The following ATP11C variants were observed in gnomAD, a reference collection of about 807,000 sequenced individuals.
ATP11C encodes the protein ATPase phospholipid transporting 11C (ATP11C blood group).
In ATP11C, 36 loss-of-function variants were observed where a neutral mutation model predicts 97.4. The ratio of observed to expected loss-of-function variants is 0.37; its 90% CI spans 0.28 to 0.49. ATP11C has a LOEUF of 0.49. ATP11C is among the 20% of genes least tolerant of loss of function. The probability of loss-of-function intolerance (pLI) is 0.98; values close to 1 mark genes in which losing one functional copy is unlikely to be tolerated. For missense variants in ATP11C, 730 were observed against 824.6 expected (o/e 0.89, Z 1.40); for synonymous variants, 275 against 290.9 (o/e 0.95, Z 0.56).
rs1193371210 is a variant in ATP11C at position 139,769,277 on chromosome X, CATACATATATA to C, written c.2217-854_2217-844del. On this transcript the variant is annotated intron_variant, in intron 19 of 29. Coordinates refer to ENST00000682941, the MANE Select transcript of ATP11C (RefSeq NM_001353812.2). ...AAAAGACAAATGGCTTTGGGGCAAA[CATACATATATA>C]TATATATATATATATATATATATAT... 1.7e-4 allele frequency among the ~76,000 whole-genome samples: 6 copies of C among 34,537 alleles called. No homozygotes were observed. The East Asian group carries it at 6.6e-3, about 38-fold the overall frequency. 30.0% of individuals were successfully genotyped at this position (34,537 alleles called of 115,157 possible). A position where few individuals can be genotyped will look rare whatever the true frequency, so the allele number is the denominator to read the frequency against.
chrX:139,731,245 T>C lies in ATP11C; in HGVS notation c.*3+406A>G, dbSNP rs1234278216. 2.7e-5 allele frequency among the ~76,000 whole-genome samples: 3 copies of C among 112,071 alleles called. No individual in the cohort carries two copies. The Admixed American group carries it at 2.8e-4, about 11-fold the overall frequency. The stretch of plus-strand genomic sequence containing the variant: ...TCCCAAGAGAACATGCAATGCTAAA[T>C]TGGCTTGATATTATACAGATGCAAT... On this transcript the variant is annotated intron_variant, in intron 29 of 29. Coordinates refer to ENST00000682941, the MANE Select transcript of ATP11C (RefSeq NM_001353812.2).
chrX:139,869,684 C>G (rs969778620), intron 1 of ATP11C, among the ~76,000 whole-genome samples: 1 of 103,463 alleles, frequency 9.7e-6, no homozygotes, highest in South Asian at 4.3e-4. Context: ...ATCCCAGCTA[C>G]TGGGGAGGCT....
chrX:139,845,744 G>C (rs1172694384), intron 1 of ATP11C, among the ~76,000 whole-genome samples: 1 of 111,844 alleles, frequency 8.9e-6, no homozygotes, highest in Non-Finnish European at 1.9e-5. Flanking sequence ...CCAAACTACT[G>C]TTCTTGGCAA....
At chrX:139,869,510 C>T (rs1424416227) in intron 1 of ATP11C, among the ~76,000 whole-genome samples, 2 of 107,340 alleles carry the variant, frequency 1.9e-5, no homozygotes, top group Non-Finnish European at 3.8e-5. Flanking sequence ...TGGGGGCAGG[C>T]GCGGTGGCTC....
intron 11 of ATP11C, among the ~76,000 whole-genome samples, chrX:139,796,823 T>C (rs866759313): frequency 4.5e-5 from 5 of 111,960 alleles, no homozygotes; most frequent in Admixed American, 2.8e-4. Context: ...CACATACTCC[T>C]ATTACATTAA....
At chrX:139,832,033 C>T (rs1188132649) in intron 1 of ATP11C, 15 of 742,369 alleles carry the variant, frequency 2.0e-5, no homozygotes, top group Admixed American at 1.0e-4. Flanking sequence ...TAACCATTTA[C>T]GATTACCCTC....
intron 18 of ATP11C, among the ~76,000 whole-genome samples, chrX:139,775,824 G>T (rs1028425830): frequency 2.1e-4 from 24 of 112,720 alleles, no homozygotes; most frequent in Non-Finnish European, 2.4e-4. Context: ...TAGAGGGCAG[G>T]AACCACTGTG....
chrX:139,875,322 G>A (rs866289392), intron 1 of ATP11C, among the ~76,000 whole-genome samples: 5 of 106,976 alleles, frequency 4.7e-5, no homozygotes, highest in Non-Finnish European at 9.6e-5. Flanking sequence ...TTGGCCAGGC[G>A]TAGTGCCTCA....
chrX:139,782,783 A>C lies in ATP11C; in HGVS notation c.1771-55T>G, dbSNP rs1228428770. 6 of 901,253 alleles carry C rather than the reference A, an allele frequency of 6.7e-6. No homozygotes were observed. In the Admixed American group the frequency reaches 9.6e-5, roughly 14 times the overall value. The allele number at this position is 901,253 out of a possible 1,213,427, so 74.3% of individuals were successfully genotyped here. On this transcript the variant is annotated intron_variant, in intron 17 of 29. Coordinates refer to ENST00000682941, the MANE Select transcript of ATP11C (RefSeq NM_001353812.2). ...TTCTAATAATAGTTGGAAAAAAAAAAAAACACACTCTGTAAATACTCTTGC... is the reference window on the plus strand; with the variant it reads ...TTCTAATAATAGTTGGAAAAAAAAACAAACACACTCTGTAAATACTCTTGC...
At chrX:139,734,465 G>A (rs746121202) in intron 28 of ATP11C, among the ~76,000 whole-genome samples, 1 of 111,371 alleles carries the variant, frequency 9.0e-6, no homozygotes, top group African/African-American at 3.3e-5. Context: ...TGATTGTGGT[G>A]ACTTACATGA....
At chrX:139,869,618 C>CT (rs1183320410) in intron 1 of ATP11C, among the ~76,000 whole-genome samples, 3 of 52,186 alleles carry the variant, frequency 5.7e-5, no homozygotes. Context: ...CCCCTCTCTA[C>CT]TAAAAAAAAA....
chrX:139,905,341 TA>T (rs755867593), intron 1 of ATP11C, among the ~76,000 whole-genome samples: 1 of 112,386 alleles, frequency 8.9e-6, no homozygotes, highest in African/African-American at 3.2e-5. Context: ...TAGGTAGCTT[TA>T]ATGTCTCCTT....
intron 2 of ATP11C, among the ~76,000 whole-genome samples, chrX:139,820,096 GA>G (rs1363344840): frequency 9.0e-6 from 1 of 110,571 alleles, no homozygotes; most frequent in East Asian, 2.8e-4. Flanking sequence ...TGAGACAGGA[GA>G]ATCGCTTAAA....
At chrX:139,813,388 T>C (rs1421018198) in intron 5 of ATP11C, among the ~76,000 whole-genome samples, 2 of 111,983 alleles carry the variant, frequency 1.8e-5, no homozygotes, top group African/African-American at 6.5e-5. Flanking sequence ...AAACGAAACA[T>C]ACTCTTACCA....
intron 26 of ATP11C, among the ~76,000 whole-genome samples, chrX:139,742,705 A>C (rs2081582318): frequency 9.1e-6 from 1 of 110,053 alleles, no homozygotes; most frequent in African/African-American, 3.3e-5. Context: ...GCTTCACAGC[A>C]TTATCACATG....
At chrX:139,822,947 T>G (rs1386341937) in intron 2 of ATP11C, among the ~76,000 whole-genome samples, 1 of 111,002 alleles carries the variant, frequency 9.0e-6, no homozygotes, top group Non-Finnish European at 1.9e-5. Flanking sequence ...CTGGGCATGA[T>G]GGCTCACACC....
chrX:139,755,780 A>AGATTGAAACTGGACCCGTTTCC (rs1203592659), intron 23 of ATP11C, among the ~76,000 whole-genome samples: 2 of 112,210 alleles, frequency 1.8e-5, no homozygotes, highest in Admixed American at 1.9e-4. Flanking sequence ...CACATGCAGA[A>AGATTGAAACTGGACCCGTTTCC]GATTGAAACT....
chrX:139,835,529 T>A (rs1453882208), intron 1 of ATP11C, among the ~76,000 whole-genome samples: 1 of 109,732 alleles, frequency 9.1e-6, no homozygotes, highest in Non-Finnish European at 1.9e-5. Context: ...CTCAGCCTCC[T>A]GAATAGCTGG....
At chrX:139,877,937 C>T (rs1426202511) in intron 1 of ATP11C, among the ~76,000 whole-genome samples, 1 of 111,236 alleles carries the variant, frequency 9.0e-6, no homozygotes, top group Non-Finnish European at 1.9e-5. Context: ...GCAGGAGAAT[C>T]GCTTGAAACC....
Sources: gnomAD v4.1 joint callset for allele counts (sites outside exome capture counted in the v4.1 genomes callset) on GRCh38, gnomAD v4.1.1 for gene constraint, MANE v1.5 for transcripts, NCBI Gene and HGNC (gene_info 2026-07-23, HGNC 2026-07-21) for gene names.